PHLDB2: variants seen among roughly 807,000 people sequenced by gnomAD.
The protein encoded by PHLDB2 is pleckstrin homology-like domain family B member 2.
A neutral mutation model predicts 123.6 loss-of-function variants in PHLDB2; 71 were observed. The ratio of observed to expected loss-of-function variants is 0.57; its 90% confidence interval spans 0.47 to 0.70. PHLDB2 has a LOEUF of 0.70. Among genes scored for constraint, PHLDB2 ranks in the 30% least tolerant of loss-of-function variants. The probability of loss-of-function intolerance (pLI) is 0.00; values close to 1 mark genes in which losing one functional copy is unlikely to be tolerated. For synonymous variants in PHLDB2, 547 were observed against 541.6 expected, an observed-to-expected ratio of 1.01 and a Z score of -0.14; for missense variants, 1,446 against 1,519.5, an observed-to-expected ratio of 0.95 and a Z score of 0.80.
At chr3:111,844,322 T>G (rs2063839419) in intron 1 of PHLDB2, among the ~76,000 whole-genome samples, 1 of 152,228 alleles carries the variant, frequency 6.6e-6, no homozygotes. Flanking sequence ...TTCACTTGGA[T>G]GCCCTACAGA....
chr3:111,746,566 C>T (rs1332845058), intron 1 of PHLDB2, among the ~76,000 whole-genome samples: 1 of 152,044 alleles, frequency 6.6e-6, no homozygotes, highest in East Asian at 1.9e-4. Flanking sequence ...GGTTTAAGAC[C>T]AACCTGGGCA....
intron 1 of PHLDB2, among the ~76,000 whole-genome samples, chr3:111,741,541 C>CTG (rs933150583): frequency 1.7e-4 from 25 of 151,226 alleles, no homozygotes; most frequent in African/African-American, 5.3e-4. Context: ...GTGCATGTCT[C>CTG]TGTGTGTGTG....
upstream of PHLDB2, among the ~76,000 whole-genome samples, chr3:111,858,811 G>GT (rs1287714148): frequency 6.6e-6 from 1 of 152,090 alleles, no homozygotes; most frequent in Admixed American, 6.5e-5. Flanking sequence ...CTTCATCTGC[G>GT]TAACTCTAGG....
chr3:111,865,589 A>C (rs542194754), intron 1 of PHLDB2, among the ~76,000 whole-genome samples: 1 of 152,258 alleles, frequency 6.6e-6, no homozygotes, highest in Admixed American at 6.5e-5. Flanking sequence ...GTTGAAACAA[A>C]ATGAAGACAG....
At chr3:111,751,493 G>C (rs2059773956) in intron 1 of PHLDB2, among the ~76,000 whole-genome samples, 1 of 151,768 alleles carries the variant, frequency 6.6e-6, no homozygotes, top group Non-Finnish European at 1.5e-5. Context: ...TAGCAAGACA[G>C]AGTCAAATCC....
chr3:111,855,016 T>C (rs1474923400), upstream of PHLDB2, among the ~76,000 whole-genome samples: 2 of 152,102 alleles, frequency 1.3e-5, no homozygotes, highest in East Asian at 3.9e-4. Flanking sequence ...AAGGTATCAG[T>C]AGATAAAGTA....
At chr3:111,945,029 T>G (rs1390364801) in intron 8 of PHLDB2, among the ~76,000 whole-genome samples, 1 of 152,184 alleles carries the variant, frequency 6.6e-6, no homozygotes, top group African/African-American at 2.4e-5. Flanking sequence ...TCTATAAAAT[T>G]TATTAGGAAT....
At chr3:111,837,283 G>A (rs2063459276) in intron 1 of PHLDB2, among the ~76,000 whole-genome samples, 1 of 152,152 alleles carries the variant, frequency 6.6e-6, no homozygotes, top group Non-Finnish European at 1.5e-5. Context: ...ATACTAGGCA[G>A]GAAGTTCTTA....
At chr3:111,850,340 T>C (rs2064197402) in intron 2 of PHLDB2, among the ~76,000 whole-genome samples, 1 of 152,064 alleles carries the variant, frequency 6.6e-6, no homozygotes, top group African/African-American at 2.4e-5. Flanking sequence ...AACTGCACAT[T>C]AGGTAAATGT....
At position 111,895,573 on chromosome 3, in the gene PHLDB2, C is replaced by G. The variant is rs537527457; in HGVS notation, c.1335+10161C>G. Among the ~76,000 whole-genome samples, 5 of 152,120 alleles carry G rather than the reference C, an allele frequency of 3.3e-5. No homozygotes were observed. In the South Asian group the frequency reaches 8.3e-4, roughly 25 times the overall value. On this transcript the variant is annotated intron_variant, in intron 2 of 17. Coordinates refer to ENST00000431670, the MANE Select transcript of PHLDB2 (RefSeq NM_001134438.2). ...CAAATATATAGGAGTGGAGGCCAGG[C>G]GTGTTGGCTCACGCCTGTAATCCCA...
In PHLDB2 at chr3:111,975,706, G is replaced by A. The variant is rs1014607496; in HGVS notation, c.*1143G>A. 8.5e-5 allele frequency: 13 copies of A among 152,492 alleles called. No homozygotes were observed. The highest frequency in any genetic ancestry group is 2.0e-4 in the Admixed American group (3 of 15,272). The allele number at this position is 152,492 out of a possible 1,614,324, so 9.4% of individuals were successfully genotyped here. ...TGTCAAATGAAACGACTTCAGGCAA[G>A]TCTCTTTTATAATGGTTTTTCAAGT... On this transcript the variant is annotated 3_prime_UTR_variant, in exon 18 of 18. Transcript: ENST00000431670.
intron 2 of PHLDB2, among the ~76,000 whole-genome samples, chr3:111,851,952 C>T (rs1410064360): frequency 5.4e-5 from 8 of 149,494 alleles, no homozygotes. Flanking sequence ...GAAGGCCCCT[C>T]AACCTTTTTT....
chr3:111,949,413 GTTTGAC>G (rs2070561279), intron 10 of PHLDB2, among the ~76,000 whole-genome samples: 1 of 152,076 alleles, frequency 6.6e-6, no homozygotes, highest in African/African-American at 2.4e-5. Context: ...TGCCTTTTCA[GTTTGAC>G]TTTGTTTTCG....
In PHLDB2 at chr3:111,916,539, G is replaced by C. The variant is rs150300943; in HGVS notation, c.1720-2533G>C. The C allele has an allele frequency of 5.3e-5, 8 of 152,300 alleles. No individual in the cohort carries two copies. The East Asian group carries it at 1.5e-3, about 29-fold the overall frequency. 9.4% of individuals were successfully genotyped at this position (152,300 alleles called of 1,614,324 possible). A position where few individuals can be genotyped will look rare whatever the true frequency, so the allele number is the denominator to read the frequency against. ...GAGAGGAATGTGAAAAACACTGTAA[G>C]TTGACTTAACTATACAGAACAATCT... On this transcript the variant is annotated intron_variant, in intron 3 of 17. Coordinates refer to ENST00000431670, the MANE Select transcript of PHLDB2 (RefSeq NM_001134438.2).
At chr3:111,777,838 C>T (rs1212745397) in intron 1 of PHLDB2, among the ~76,000 whole-genome samples, 1 of 152,052 alleles carries the variant, frequency 6.6e-6, no homozygotes, top group African/African-American at 2.4e-5. Context: ...CTAAATCCTT[C>T]AACTAGTTTT....
intron 2 of PHLDB2, among the ~76,000 whole-genome samples, chr3:111,905,679 G>A (rs2067475836): frequency 6.6e-6 from 1 of 152,124 alleles, no homozygotes; most frequent in Non-Finnish European, 1.5e-5. Context: ...CTACCTTTGG[G>A]AGGGTCACCC....
intron 2 of PHLDB2, among the ~76,000 whole-genome samples, chr3:111,901,631 T>A (rs1434012272): frequency 6.6e-6 from 1 of 152,176 alleles, no homozygotes; most frequent in Non-Finnish European, 1.5e-5. Context: ...GGATTGTGTT[T>A]TATAGACTAT....
chr3:111,755,120 G>T (rs1345407682), intron 1 of PHLDB2, among the ~76,000 whole-genome samples: 1 of 150,290 alleles, frequency 6.7e-6, no homozygotes, highest in Non-Finnish European at 1.5e-5. Flanking sequence ...CTCTTTTTTG[G>T]TTGTGTCTCT....
intron 16 of PHLDB2, among the ~76,000 whole-genome samples, chr3:111,970,543 A>G (rs961922932): frequency 6.6e-5 from 10 of 152,210 alleles, no homozygotes; most frequent in Non-Finnish European, 1.0e-4. Flanking sequence ...GATCAGTACT[A>G]TTTATTAAGT....
Sources: allele counts gnomAD v4.1 joint callset (sites outside exome capture counted in the v4.1 genomes callset), GRCh38; gene constraint gnomAD v4.1.1; transcripts MANE v1.5; gene names NCBI Gene and HGNC (gene_info 2026-07-23, HGNC 2026-07-21).